Variants in PDZRN3 observed in about 807,000 individuals in gnomAD.
The protein encoded by PDZRN3 is E3 ubiquitin-protein ligase PDZRN3.
PDZRN3 carries 38 observed loss-of-function variants against 85.7 expected under a neutral mutation model. The ratio of observed to expected loss-of-function variants is 0.44; its 90% CI spans 0.34 to 0.58. The LOEUF (loss-of-function observed/expected upper bound fraction) is 0.58. Among genes scored for constraint, PDZRN3 ranks in the 20% least tolerant of loss-of-function variants. PDZRN3 has a pLI of 0.01. For missense variants in PDZRN3, 1,629 were observed against 1,506.4 expected (o/e 1.08, Z -1.35); for synonymous variants, 759 against 638.0 (o/e 1.19, Z -2.86).
intron 3 of PDZRN3, chr3:73,433,568 C>T (rs781206978): frequency 4.9e-5 from 49 of 1,008,476 alleles, no homozygotes; most frequent in South Asian, 2.4e-4. Context: ...ATCCCCACTA[C>T]CTTTCCTAGA....
chr3:73,408,124 C>A (rs1559662116), intron 3 of PDZRN3: 1 of 703,080 alleles, frequency 1.4e-6, no homozygotes, highest in Non-Finnish European at 2.6e-6. Context: ...AGCCCCTCCA[C>A]AAGCCAGATG....
intron 3 of PDZRN3, among the ~76,000 whole-genome samples, chr3:73,576,323 T>C (rs1231589016): frequency 6.6e-6 from 1 of 152,174 alleles, no homozygotes; most frequent in Admixed American, 6.5e-5. Flanking sequence ...CTAAAGCTGA[T>C]ATAAAGCTGA....
At chr3:73,403,148 G>A (rs533472441) in intron 4 of PDZRN3, among the ~76,000 whole-genome samples, 10 of 152,148 alleles carry the variant, frequency 6.6e-5, no homozygotes, top group South Asian at 2.1e-4. Flanking sequence ...GGGTTTCACC[G>A]TGTTAACCAG....
At chr3:73,500,538 A>G (rs972210052) in intron 3 of PDZRN3, among the ~76,000 whole-genome samples, 1 of 152,138 alleles carries the variant, frequency 6.6e-6, no homozygotes, top group Non-Finnish European at 1.5e-5. Flanking sequence ...GCTCCACTCT[A>G]TATAAGTGTT....
chr3:73,383,068 A>AAAAG lies in PDZRN3; in HGVS notation c.*293_*296dup. ...GTTATTCTGTGAAAGTATGCTTAAT[A>AAAAG]AAAGATCTTTCTGAAATTTAAACAC... On this transcript the variant is annotated 3_prime_UTR_variant, in exon 10 of 10. Coordinates refer to ENST00000263666, the MANE Select transcript of PDZRN3 (RefSeq NM_015009.3). 3.6e-6 allele frequency: 1 copy of AAAAG among 278,390 alleles called. No individual in the cohort carries two copies. The highest frequency in any genetic ancestry group is 1.2e-4 in the South Asian group (1 of 8,494). 17.2% of individuals were successfully genotyped at this position (278,390 alleles called of 1,614,324 possible).
intron 3 of PDZRN3, among the ~76,000 whole-genome samples, chr3:73,466,035 C>T (rs560006037): frequency 6.6e-6 from 1 of 152,278 alleles, no homozygotes; most frequent in African/African-American, 2.4e-5. Context: ...TTACGCTTTA[C>T]TCTAAAGCTT....
rs1702456097 is a variant in PDZRN3, at chr3:73,598,001, TAAGAG to T, written c.918+4348_918+4352del. 2.0e-5 allele frequency among the ~76,000 whole-genome samples: 3 copies of T among 152,316 alleles called. No homozygotes were observed. In the South Asian group the frequency reaches 6.2e-4, roughly 32 times the overall value. ...GTATGTTCTCCACGTGTCACATCCC[TAAGAG>T]AATTTTGAGGGTAATATTGATCTTA... On this transcript the variant is annotated intron_variant, in intron 3 of 9. Coordinates refer to ENST00000263666, the MANE Select transcript of PDZRN3 (RefSeq NM_015009.3).
At chr3:73,401,047 G>A (rs3816831) in intron 4 of PDZRN3, 38 bp from the exon 5 acceptor site, 222,570 of 1,438,500 alleles carry the variant, frequency 0.15, 18,283 homozygotes, top group Non-Finnish European at 0.17. Flanking sequence ...CCCTTCTTCC[G>A]TTGTCAGTAT....
intron 3 of PDZRN3, among the ~76,000 whole-genome samples, chr3:73,459,399 T>C (rs555726287): frequency 2.2e-4 from 34 of 152,304 alleles, no homozygotes; most frequent in Non-Finnish European, 4.7e-4. Flanking sequence ...TGCAGGTTTG[T>C]TTTATAGGTA....
At chr3:73,503,724 C>CA (rs139608235) in intron 3 of PDZRN3, among the ~76,000 whole-genome samples, 167 of 152,296 alleles carry the variant, frequency 1.1e-3, no homozygotes, top group African/African-American at 3.9e-3. Context: ...TCTCTCAGTG[C>CA]AACCATGAAC....
At chr3:73,511,935 G>C (rs1704174177) in intron 3 of PDZRN3, among the ~76,000 whole-genome samples, 1 of 152,226 alleles carries the variant, frequency 6.6e-6, no homozygotes, top group Non-Finnish European at 1.5e-5. Flanking sequence ...AGAAGCCAGA[G>C]AGACCAGAAA....
chr3:73,603,511 C>T (rs1302405291), intron 2 of PDZRN3, among the ~76,000 whole-genome samples: 2 of 152,166 alleles, frequency 1.3e-5, no homozygotes, highest in Non-Finnish European at 2.9e-5. Flanking sequence ...ATGGCACAAG[C>T]ATGTGATATT....
At chr3:73,554,101 G>A (rs1348073518) in intron 3 of PDZRN3, among the ~76,000 whole-genome samples, 2 of 152,196 alleles carry the variant, frequency 1.3e-5, no homozygotes, top group Non-Finnish European at 2.9e-5. Context: ...GCCTGAGATG[G>A]AGAATAGAGG....
intron 3 of PDZRN3, among the ~76,000 whole-genome samples, chr3:73,482,292 C>T (rs773721657): frequency 6.6e-6 from 1 of 152,116 alleles, no homozygotes; most frequent in Admixed American, 6.5e-5. Context: ...AGATTGTTTC[C>T]CTGTTTCTAA....
At chr3:73,460,410 G>C (rs1703079912) in intron 3 of PDZRN3, among the ~76,000 whole-genome samples, 3 of 152,168 alleles carry the variant, frequency 2.0e-5, no homozygotes, top group Admixed American at 2.0e-4. Context: ...GACCCAATCA[G>C]CAAGCCCAGT....
chr3:73,390,064 TC>T (rs1223905037), intron 6 of PDZRN3, among the ~76,000 whole-genome samples, 186 bp from the exon 7 acceptor site: 1 of 152,174 alleles, frequency 6.6e-6, no homozygotes, highest in Non-Finnish European at 1.5e-5. Flanking sequence ...CTAAGCCCTT[TC>T]TAGGGCTGGT....
chr3:73,417,565 C>T (rs901708189), intron 3 of PDZRN3, among the ~76,000 whole-genome samples: 1 of 152,192 alleles, frequency 6.6e-6, no homozygotes, highest in African/African-American at 2.4e-5. Context: ...CAAATTATTG[C>T]TCAACTTGGT....
chr3:73,546,256 AG>A (rs1396231443), intron 3 of PDZRN3, among the ~76,000 whole-genome samples: 1 of 152,238 alleles, frequency 6.6e-6, no homozygotes, highest in Non-Finnish European at 1.5e-5. Context: ...ATTAAAAGGA[AG>A]ATGTGTGTAG....
In PDZRN3 at chr3:73,384,523, C is replaced by G; in HGVS notation, c.2043G>C (p.Val681=). The G allele has an allele frequency of 6.2e-7, 1 of 1,613,776 alleles. No homozygotes were observed. Among genetic ancestry groups the G allele is most frequent in the Non-Finnish European group, 8.5e-7 (1 of 1,180,046 alleles). The part of the protein sequence containing the change: ...LDAGKSDPES[V]DKELELLNEE... ...CGTTCAGCAGCTCCAGCTCCTTGTCCACGCTCTCAGGGTCACTCTTGCCGG... is the reference window on the plus strand; with the variant it reads ...CGTTCAGCAGCTCCAGCTCCTTGTCGACGCTCTCAGGGTCACTCTTGCCGG... Residue 681 remains valine (V), a synonymous_variant, in exon 10 of 10, where the codon GTG becomes GTC. Transcript: ENST00000263666.
Sources: allele counts gnomAD v4.1 joint callset (sites outside exome capture counted in the v4.1 genomes callset), GRCh38; gene constraint gnomAD v4.1.1; transcripts MANE v1.5; gene names NCBI Gene and HGNC (gene_info 2026-07-23, HGNC 2026-07-21).